MAGI2: variants seen among roughly 807,000 people sequenced by gnomAD.
MAGI2 encodes the protein membrane associated guanylate kinase, WW and PDZ domain containing 2.
A neutral mutation model predicts 133.3 loss-of-function variants in MAGI2; 35 were observed. That is an observed-to-expected ratio of 0.26 (90% CI 0.20 to 0.35). MAGI2 has a LOEUF of 0.35. Among genes scored for constraint, MAGI2 ranks in the 10% least tolerant of loss-of-function variants. MAGI2 has a pLI of 1.00. For synonymous variants in MAGI2, 729 were observed against 710.6 expected, an observed-to-expected ratio of 1.03 and a Z score of -0.41; for missense variants, 1,636 against 1,863.4, an observed-to-expected ratio of 0.88 and a Z score of 2.25.
At chr7:79,234,703 T>TA (rs1831714572) in intron 1 of MAGI2, among the ~76,000 whole-genome samples, 2 of 149,480 alleles carry the variant, frequency 1.3e-5, no homozygotes, top group Non-Finnish European at 3.0e-5. Context: ...TTCTCAATTT[T>TA]TTTCAAAGTT....
chr7:79,235,056 T>C (rs1330056496), intron 1 of MAGI2, among the ~76,000 whole-genome samples: 46 of 151,850 alleles, frequency 3.0e-4, no homozygotes, highest in South Asian at 2.3e-3. Context: ...CCCTGCCGTG[T>C]GAGGTGTCAG....
At chr7:78,221,404 A>G (rs1428340930) in intron 10 of MAGI2, among the ~76,000 whole-genome samples, 1 of 152,160 alleles carries the variant, frequency 6.6e-6, no homozygotes, top group Non-Finnish European at 1.5e-5. Context: ...AAATTAACTT[A>G]GGTTGTGAGA....
intron 15 of MAGI2, 135 bp downstream of exon 15, chr7:78,167,781 G>C (rs1443915191): frequency 1.3e-6 from 1 of 783,926 alleles, no homozygotes; most frequent in East Asian, 2.5e-5. Flanking sequence ...ATTACTTTTG[G>C]AATATCTAGG....
chr7:79,301,151 C>T (rs1472842241), intron 1 of MAGI2, among the ~76,000 whole-genome samples: 1 of 152,186 alleles, frequency 6.6e-6, no homozygotes, highest in Non-Finnish European at 1.5e-5. Flanking sequence ...GGATTTGGAG[C>T]CCCCACACAG....
At chr7:78,504,537 G>T (rs1794917814) in intron 4 of MAGI2, among the ~76,000 whole-genome samples, 1 of 152,136 alleles carries the variant, frequency 6.6e-6, no homozygotes, top group South Asian at 2.1e-4. Flanking sequence ...ATTCAGAGGG[G>T]CTGAAAGGTA....
At chr7:79,126,610 T>A (rs1423798991) in intron 1 of MAGI2, among the ~76,000 whole-genome samples, 1 of 152,070 alleles carries the variant, frequency 6.6e-6, no homozygotes, top group Non-Finnish European at 1.5e-5. Flanking sequence ...AATTCCTTTT[T>A]AAATTTTTAA....
At position 78,369,276 on chromosome 7, in the gene MAGI2, T is replaced by G. The variant is rs982444164; in HGVS notation, c.1046-63A>C. 12 of 1,172,318 alleles carry G rather than the reference T, an allele frequency of 1.0e-5. No individual in the cohort carries two copies. The East Asian group carries it at 2.8e-4, about 27-fold the overall frequency. The allele number at this position is 1,172,318 out of a possible 1,614,324, so 72.6% of individuals were successfully genotyped here. On this transcript the variant is annotated intron_variant, in intron 6 of 21. Coordinates refer to ENST00000354212, the MANE Select transcript of MAGI2 (RefSeq NM_012301.4). ...TCACAATTTCTAATAAAAAGTAATATAATTTAATTGTTCATGGATTGCAGA... is the reference window on the plus strand; with the variant it reads ...TCACAATTTCTAATAAAAAGTAATAGAATTTAATTGTTCATGGATTGCAGA...
At chr7:79,151,339 A>T (rs1307081377) in intron 1 of MAGI2, among the ~76,000 whole-genome samples, 1 of 152,210 alleles carries the variant, frequency 6.6e-6, no homozygotes, top group Non-Finnish European at 1.5e-5. Context: ...GAACAATCTA[A>T]CATTTGGCAT....
chr7:78,679,642 G>A (rs1447532920), intron 2 of MAGI2, among the ~76,000 whole-genome samples: 3 of 152,122 alleles, frequency 2.0e-5, no homozygotes, highest in Non-Finnish European at 4.4e-5. Flanking sequence ...GAAGTGACAG[G>A]CAAATGACTT....
chr7:79,367,875 A>ATATATATATG (rs1342246318), intron 1 of MAGI2, among the ~76,000 whole-genome samples: 9 of 122,118 alleles, frequency 7.4e-5, no homozygotes, highest in East Asian at 2.4e-4. Flanking sequence ...ATATATATAT[A>ATATATATATG]TGTCATTGAC....
chr7:78,832,062 A>G (rs1395028314), intron 2 of MAGI2, among the ~76,000 whole-genome samples: 1 of 152,100 alleles, frequency 6.6e-6, no homozygotes, highest in African/African-American at 2.4e-5. Context: ...TTTCAGAATA[A>G]GGGTTTCTTT....
At chr7:78,153,027 G>A (rs1824041496) in intron 16 of MAGI2, among the ~76,000 whole-genome samples, 1 of 152,252 alleles carries the variant, frequency 6.6e-6, no homozygotes. Flanking sequence ...TAATTCCTAT[G>A]TTCAACAGTG....
At chr7:78,445,396 T>A (rs529473757) in intron 6 of MAGI2, among the ~76,000 whole-genome samples, 4 of 152,240 alleles carry the variant, frequency 2.6e-5, no homozygotes, top group African/African-American at 9.6e-5. Context: ...ATCTTTTGGC[T>A]GGCTGCATTG....
chr7:78,454,689 C>T (rs553452682), intron 6 of MAGI2, among the ~76,000 whole-genome samples: 4 of 152,194 alleles, frequency 2.6e-5, no homozygotes, highest in Admixed American at 6.5e-5. Context: ...ATAGTTTTAA[C>T]GGATAAACAA....
intron 16 of MAGI2, among the ~76,000 whole-genome samples, chr7:78,156,420 T>G (rs949342075): frequency 2.0e-5 from 3 of 151,708 alleles, no homozygotes; most frequent in Non-Finnish European, 4.4e-5. Context: ...CAGAGTAAAC[T>G]CTGCACTACT....
At chr7:78,538,165 T>C (rs1798117719) in intron 3 of MAGI2, among the ~76,000 whole-genome samples, 2 of 152,232 alleles carry the variant, frequency 1.3e-5, no homozygotes, top group Admixed American at 1.3e-4. Flanking sequence ...CTGGATTCTC[T>C]ATGCTGTTCC....
At chr7:78,823,461 T>C (rs559513336) in intron 2 of MAGI2, among the ~76,000 whole-genome samples, 1 of 151,688 alleles carries the variant, frequency 6.6e-6, no homozygotes, top group African/African-American at 2.4e-5. Flanking sequence ...CGGGCGCCTG[T>C]AGTCCCAGCT....
chr7:78,198,698 A>C (rs1828965433), intron 11 of MAGI2, among the ~76,000 whole-genome samples: 1 of 152,166 alleles, frequency 6.6e-6, no homozygotes, highest in Non-Finnish European at 1.5e-5. Flanking sequence ...TACAGGGAGT[A>C]GAGAGATTAT....
chr7:78,578,985 A>C (rs1802558490), intron 3 of MAGI2, among the ~76,000 whole-genome samples: 1 of 152,162 alleles, frequency 6.6e-6, no homozygotes, highest in South Asian at 2.1e-4. Flanking sequence ...AATGCCTGGA[A>C]AACCCTCACC....
Sources: gnomAD v4.1 joint callset for allele counts (sites outside exome capture counted in the v4.1 genomes callset) on GRCh38, gnomAD v4.1.1 for gene constraint, MANE v1.5 for transcripts, NCBI Gene and HGNC (gene_info 2026-07-23, HGNC 2026-07-21) for gene names.